The following WWP2 variants were observed in gnomAD, a reference collection of about 807,000 sequenced individuals.
WWP2 encodes the protein NEDD4-like E3 ubiquitin-protein ligase WWP2.
A neutral mutation model predicts 121.0 loss-of-function variants in WWP2; 57 were observed. The ratio of observed to expected loss-of-function variants is 0.47; its 90% confidence interval spans 0.38 to 0.59. The LOEUF is 0.59. Among genes scored for constraint, WWP2 ranks in the 20% least tolerant of loss-of-function variants. The pLI is 0.00. For synonymous variants in WWP2, 449 were observed against 441.3 expected, an observed-to-expected ratio of 1.02 and a Z score of -0.22; for missense variants, 962 against 1,158.9, an observed-to-expected ratio of 0.83 and a Z score of 2.47.
At chr16:69,922,413 A>ATCAT (rs1195137736) in intron 10 of WWP2, among the ~76,000 whole-genome samples, 8 of 152,304 alleles carry the variant, frequency 5.3e-5, no homozygotes, top group African/African-American at 1.9e-4. Flanking sequence ...AACTCTCATG[A>ATCAT]GCTCTCTGGC....
At chr16:69,811,722 C>G (rs1282296382) in intron 4 of WWP2, among the ~76,000 whole-genome samples, 1 of 152,088 alleles carries the variant, frequency 6.6e-6, no homozygotes, top group Non-Finnish European at 1.5e-5. Context: ...TCACTGCAAT[C>G]CAGTCTGGAT....
chr16:69,825,411 G>A (rs1199223406), intron 4 of WWP2, among the ~76,000 whole-genome samples: 5 of 145,726 alleles, frequency 3.4e-5, no homozygotes, highest in African/African-American at 5.0e-5. Context: ...GCAACAGAGC[G>A]AGATTCCATC....
intron 4 of WWP2, among the ~76,000 whole-genome samples, chr16:69,839,550 A>G (rs2056937582): frequency 1.3e-5 from 2 of 152,056 alleles, no homozygotes; most frequent in Non-Finnish European, 2.9e-5. Flanking sequence ...CTCTCTCCTT[A>G]AGTCACTGAT....
intron 7 of WWP2, among the ~76,000 whole-genome samples, chr16:69,872,326 T>C (rs899910000): frequency 7.9e-5 from 12 of 152,046 alleles, no homozygotes; most frequent in Non-Finnish European, 1.6e-4. Flanking sequence ...ATGCCATTCT[T>C]CTGCCTCAGC....
intron 6 of WWP2, among the ~76,000 whole-genome samples, chr16:69,863,616 G>T (rs2057466558): frequency 6.6e-6 from 1 of 152,158 alleles, no homozygotes; most frequent in Non-Finnish European, 1.5e-5. Context: ...ACTCCAGCCT[G>T]GGTGAAAGAG....
intron 7 of WWP2, among the ~76,000 whole-genome samples, chr16:69,884,079 T>C (rs143648526): frequency 1.4e-3 from 206 of 152,380 alleles, no homozygotes; most frequent in African/African-American, 4.7e-3. Flanking sequence ...CCCACTGTTG[T>C]GTTTCTTGCG....
rs542631056 is a variant in WWP2 at position 69,847,700 on chromosome 16, G to A, written c.575+5580G>A. 1.2e-4 allele frequency among the ~76,000 whole-genome samples: 19 copies of A among 152,104 alleles called. No individual in the cohort carries two copies. The East Asian group carries it at 1.7e-3, about 14-fold the overall frequency. The stretch of plus-strand genomic sequence containing the variant: ...TGGGATTACAGCTGTGAGCCACCGC[G>A]CCTGGCCAGGCTCTTTTTAATAACC... On this transcript the variant is annotated intron_variant, in intron 6 of 23. Coordinates refer to ENST00000359154, the MANE Select transcript of WWP2 (RefSeq NM_001270454.2).
intron 1 of WWP2, among the ~76,000 whole-genome samples, chr16:69,777,428 T>C (rs1378044410): frequency 6.6e-6 from 1 of 151,660 alleles, no homozygotes; most frequent in Non-Finnish European, 1.5e-5. Context: ...AGCCTCCTTA[T>C]TAACTGGGAT....
chr16:69,788,994 T>A (rs1343646066), intron 2 of WWP2, among the ~76,000 whole-genome samples: 2 of 152,212 alleles, frequency 1.3e-5, no homozygotes, highest in Non-Finnish European at 2.9e-5. Context: ...TCTTGAGTAT[T>A]TTTGAAATGC....
chr16:69,808,927 T>G (rs2056337294), intron 4 of WWP2, among the ~76,000 whole-genome samples: 1 of 152,248 alleles, frequency 6.6e-6, no homozygotes, highest in African/African-American at 2.4e-5. Context: ...GGATGTATGC[T>G]TACCTTTAGT....
intron 1 of WWP2, among the ~76,000 whole-genome samples, chr16:69,767,214 G>C (rs2038751860): frequency 6.6e-6 from 1 of 152,268 alleles, no homozygotes; most frequent in Admixed American, 6.5e-5. Flanking sequence ...AGGATGGATG[G>C]ATAATGGGCT....
intron 6 of WWP2, among the ~76,000 whole-genome samples, chr16:69,868,542 G>A (rs748122425): frequency 8.5e-5 from 13 of 152,076 alleles, no homozygotes; most frequent in Non-Finnish European, 1.9e-4. Context: ...TGCTCCTGGG[G>A]GCTGCAAGTT....
Position 69,793,633 on chromosome 16 carries a change from T to G in WWP2, c.71-5049T>G, listed in dbSNP as rs915836766. Among the ~76,000 whole-genome samples the G allele has an allele frequency of 2.7e-4, 41 of 151,840 alleles. 2 individuals are homozygous for G. On this transcript the variant is annotated intron_variant, in intron 2 of 23. Coordinates refer to ENST00000359154, the MANE Select transcript of WWP2 (RefSeq NM_001270454.2). ...GCCACAGGATAATTTGTTTCACGAG[T>G]CAAGTCACGGGCCCAGGCAAAGTCA...
intron 1 of WWP2, among the ~76,000 whole-genome samples, chr16:69,782,027 A>T (rs1288626646): frequency 1.3e-5 from 2 of 152,188 alleles, no homozygotes; most frequent in African/African-American, 4.8e-5. Flanking sequence ...TCATGCCTGT[A>T]ATCCCAGCAC....
rs2056195500 is a variant in WWP2, at chr16:69,802,696, G to T, written c.340+3401G>T. Among the ~76,000 whole-genome samples, 3 of 151,664 alleles carry T rather than the reference G, an allele frequency of 2.0e-5. No homozygotes were observed. The South Asian group carries it at 6.2e-4, about 32-fold the overall frequency. On this transcript the variant is annotated intron_variant, in intron 4 of 23. Coordinates refer to ENST00000359154, the MANE Select transcript of WWP2 (RefSeq NM_001270454.2). The stretch of plus-strand genomic sequence containing the variant: ...GCTCACTGCAACCCCTGTCTCCTGG[G>T]TTCAAGTGATTCTCCTGCCTCAAGC...
At chr16:69,807,075 A>G (rs547875386) in intron 4 of WWP2, among the ~76,000 whole-genome samples, 2 of 149,982 alleles carry the variant, frequency 1.3e-5, no homozygotes, top group Admixed American at 1.3e-4. Context: ...TTTGCCCAGG[A>G]TGGAGTGCAA....
intron 1 of WWP2, among the ~76,000 whole-genome samples, chr16:69,776,829 GA>G (rs1410440799): frequency 8.5e-4 from 120 of 140,444 alleles, no homozygotes; most frequent in East Asian, 2.9e-3. Context: ...ATTCCATCTC[GA>G]AAAAAAAAAA....
chr16:69,795,636 TTAAAAA>T lies in WWP2; in HGVS notation c.71-3043_71-3038del, dbSNP rs1302368024. ...TTCAATTTTTCTATAGATTGGAAAC[TTAAAAA>T]TAGGAGGTTTTTTTTTTTTTTTTTT... On this transcript the variant is annotated intron_variant, in intron 2 of 23. Coordinates refer to ENST00000359154, the MANE Select transcript of WWP2 (RefSeq NM_001270454.2). Among the ~76,000 whole-genome samples the T allele has an allele frequency of 6.4e-5, 9 of 140,814 alleles. No homozygotes were observed. The East Asian group carries it at 1.1e-3, about 17-fold the overall frequency. The allele number at this position is 140,814 out of a possible 152,430, so 92.4% of individuals were successfully genotyped here. A position where few individuals can be genotyped will look rare whatever the true frequency, so the allele number is the denominator to read the frequency against.
intron 4 of WWP2, among the ~76,000 whole-genome samples, chr16:69,836,245 G>A (rs137933573): frequency 6.6e-6 from 1 of 151,508 alleles, no homozygotes; most frequent in Non-Finnish European, 1.5e-5. Flanking sequence ...TTCACGCATG[G>A]CATTTGTTGG....
Sources: allele counts gnomAD v4.1 joint callset (sites outside exome capture counted in the v4.1 genomes callset), GRCh38; gene constraint gnomAD v4.1.1; transcripts MANE v1.5; gene names NCBI Gene and HGNC (gene_info 2026-07-23, HGNC 2026-07-21).